The following EVC2 variants were observed in gnomAD, a reference collection of about 807,000 sequenced individuals.
The protein encoded by EVC2 is EvC ciliary complex subunit 2, also known as limbin.
A neutral mutation model predicts 149.3 loss-of-function variants in EVC2; 148 were observed. The ratio of observed to expected loss-of-function variants is 0.99; its 90% confidence interval spans 0.87 to 1.14. EVC2 has a LOEUF of 1.14. Among genes scored for constraint, EVC2 ranks in the 50% most tolerant of loss-of-function variants. EVC2 has a pLI of 0.00. For synonymous variants in EVC2, 776 were observed against 649.9 expected (o/e 1.19, Z -2.95); for missense variants, 1,854 against 1,627.3 (o/e 1.14, Z -2.40).
chr4:5,540,744 T>C (rs1179150916), downstream of EVC2, among the ~76,000 whole-genome samples: 1 of 152,208 alleles, frequency 6.6e-6, no homozygotes, highest in Non-Finnish European at 1.5e-5. Flanking sequence ...ATTGTGGTGA[T>C]GGTTTCACAG....
the EVC2 span, among the ~76,000 whole-genome samples, chr4:5,534,818 G>GA: frequency 0.018 from 1,161 of 66,138 alleles, 7 homozygotes; most frequent in African/African-American, 0.023. Context: ...CATCTGGTAG[G>GA]AAAAAAAAAA....
chr4:5,533,408 G>C, the EVC2 span, among the ~76,000 whole-genome samples: 5 of 152,174 alleles, frequency 3.3e-5, no homozygotes, highest in Admixed American at 2.0e-4. Context: ...CAGAGCCAGT[G>C]GGGGGTGGAG....
At chr4:5,681,406 G>C in intron 6 of EVC2, 93 bp from the exon 7 acceptor site, 1 of 1,324,030 alleles carries the variant, frequency 7.6e-7, no homozygotes, top group Non-Finnish European at 1.1e-6. Context: ...TCCAAGCCTG[G>C]AGCTACAATC....
intron 9 of EVC2, among the ~76,000 whole-genome samples, chr4:5,650,632 TATATATAGAGAGAG>T (rs1470603936): frequency 1.2e-3 from 71 of 61,540 alleles, no homozygotes; most frequent in East Asian, 3.5e-3. Flanking sequence ...TATATATATA[TATATATAGAGAGAG>T]AGAGAGAGAG....
intron 3 of EVC2, among the ~76,000 whole-genome samples, chr4:5,692,873 CAA>C (rs1162271018): frequency 1.6e-4 from 6 of 37,218 alleles, no homozygotes; most frequent in South Asian, 1.1e-3. Context: ...GACTCCGTCT[CAA>C]AAAAAAAAAA....
At position 5,708,349 on chromosome 4, in the gene EVC2, C is replaced by A. The variant is rs1216900408; in HGVS notation, c.165G>T (p.Arg55Ser). Reference protein sequence around the residue: ...QPPRDPQVAPRSGPGLRIPPG... With the variant: ...QPPRDPQVAPSSGPGLRIPPG... ...GAGGGATCCTCAGGCCGGGCCCAGA[C>A]CTAGGAGCCACCTGGGGATCCCGGG... Residue 55 changes from arginine to serine, a missense_variant, in exon 1 of 22, where the codon AGG becomes AGT. Coordinates refer to ENST00000344408, the MANE Select transcript of EVC2 (RefSeq NM_147127.5). 1 of 1,486,886 alleles carries A rather than the reference C, an allele frequency of 6.7e-7. No individual in the cohort carries two copies. Among genetic ancestry groups the A allele is most frequent in the Admixed American group, 2.2e-5 (1 of 44,990 alleles). The allele number at this position is 1,486,886 out of a possible 1,614,324, so 92.1% of individuals were successfully genotyped here. A position where few individuals can be genotyped will look rare whatever the true frequency, so the allele number is the denominator to read the frequency against.
chr4:5,640,504 C>A lies in EVC2; in HGVS notation c.1470+10G>T. 1 of 1,614,062 alleles carries A rather than the reference C, an allele frequency of 6.2e-7. No homozygotes were observed. Among genetic ancestry groups the A allele is most frequent in the Non-Finnish European group, 8.5e-7 (1 of 1,179,994 alleles). On this transcript the variant is annotated intron_variant, in intron 10 of 21. Transcript: ENST00000344408. This position sits in a 1 kb window ranked among gnomAD's most constrained non-coding sequence, Gnocchi z 4.6. ...GGGAAGTGAACGCCTTCCTTTCAGA[C>A]CTGTCTTACCCTCTCACCAGCACGT...
chr4:5,625,574 A>C lies in EVC2; in HGVS notation c.2046+175T>G, dbSNP rs1716045711. On this transcript the variant is annotated intron_variant, in intron 13 of 21. Transcript: ENST00000344408. This position sits in a 1 kb window ranked among gnomAD's most constrained non-coding sequence, Gnocchi z 4.0. ...GGATAAGAATTGTAGCATCCTGCTG[A>C]ACACAGCATTCCAAAAAGTCGCTAC... Among the ~76,000 whole-genome samples, 1 of 152,176 alleles carries C rather than the reference A, an allele frequency of 6.6e-6. No individual in the cohort carries two copies. The highest frequency in any genetic ancestry group is 2.4e-5 in the African/African-American group (1 of 41,444).
intron 21 of EVC2, among the ~76,000 whole-genome samples, chr4:5,544,046 G>A (rs1311334308): frequency 1.3e-5 from 2 of 152,096 alleles, no homozygotes; most frequent in African/African-American, 4.8e-5. Flanking sequence ...AGGTGCTCAC[G>A]CGGTGGAACT....
chr4:5,611,171 G>C (rs1560162962), intron 16 of EVC2, among the ~76,000 whole-genome samples: 2 of 152,214 alleles, frequency 1.3e-5, no homozygotes, highest in Admixed American at 1.3e-4. Context: ...CAGGATGCCA[G>C]TGTGAACTAG....
intron 10 of EVC2, among the ~76,000 whole-genome samples, chr4:5,639,628 T>C (rs1252419054): frequency 1.3e-5 from 2 of 152,206 alleles, no homozygotes; most frequent in East Asian, 3.9e-4. Context: ...AGATGGAATG[T>C]ACTAGACTGT....
chr4:5,698,360 G>C (rs571866809), intron 1 of EVC2, among the ~76,000 whole-genome samples: 136 of 152,186 alleles, frequency 8.9e-4, no homozygotes, highest in Admixed American at 4.7e-3. Flanking sequence ...ATGAGGAGTG[G>C]AGAGAACTGG....
chr4:5,629,164 G>A (rs1716347674), intron 11 of EVC2, among the ~76,000 whole-genome samples: 1 of 152,168 alleles, frequency 6.6e-6, no homozygotes, highest in African/African-American at 2.4e-5. Context: ...GACAAAACCA[G>A]GATGGGCACA....
chr4:5,581,002 A>G (rs1172835689), intron 17 of EVC2, among the ~76,000 whole-genome samples: 1 of 152,164 alleles, frequency 6.6e-6, no homozygotes, highest in Non-Finnish European at 1.5e-5. Flanking sequence ...GCTCCAGCCA[A>G]GTAAGATGTG....
At chr4:5,553,456 G>C (rs561890223) in intron 21 of EVC2, among the ~76,000 whole-genome samples, 1 of 152,234 alleles carries the variant, frequency 6.6e-6, no homozygotes, top group South Asian at 2.1e-4. Context: ...TGCCTTAATA[G>C]TGGGAATACA....
At chr4:5,687,590 G>A (rs1488692453) in intron 5 of EVC2, among the ~76,000 whole-genome samples, 1 of 152,134 alleles carries the variant, frequency 6.6e-6, no homozygotes, top group African/African-American at 2.4e-5. Context: ...TTGGGGCAAG[G>A]GACTGGGTAG....
the EVC2 span, among the ~76,000 whole-genome samples, chr4:5,530,948 T>G: frequency 6.6e-6 from 1 of 152,194 alleles, no homozygotes; most frequent in Non-Finnish European, 1.5e-5. Context: ...TTGCATGGAT[T>G]TTCTCAGTCC....
intron 1 of EVC2, among the ~76,000 whole-genome samples, chr4:5,700,652 T>C (rs1721766240): frequency 6.6e-6 from 1 of 152,160 alleles, no homozygotes; most frequent in Non-Finnish European, 1.5e-5. Flanking sequence ...CTCTGATTCT[T>C]GTCCTCACCA....
At chr4:5,563,804 T>C (rs11935650) in intron 21 of EVC2, among the ~76,000 whole-genome samples, 2,631 of 152,216 alleles carry the variant, frequency 0.017, 62 homozygotes, top group African/African-American at 0.059. Flanking sequence ...AGTACACCTA[T>C]GAGCCTCACT....
Sources: gnomAD v4.1 joint callset for allele counts (sites outside exome capture counted in the v4.1 genomes callset) on GRCh38, gnomAD v4.1.1 for gene constraint, Gnocchi (gnomAD v3.1) non-coding constraint, MANE v1.5 for transcripts, NCBI Gene and HGNC (gene_info 2026-07-23, HGNC 2026-07-21) for gene names.